The following ATP11B variants were observed in gnomAD, a reference collection of about 807,000 sequenced individuals.
ATP11B encodes the protein phospholipid-transporting ATPase IF.
In ATP11B, 81 loss-of-function variants were observed where a neutral mutation model predicts 157.8. The observed-to-expected ratio is 0.51, with a 90% CI of 0.43 to 0.62. The LOEUF (loss-of-function observed/expected upper bound fraction) is 0.62, where lower values mean the gene tolerates loss of function less well. Ranked by LOEUF, ATP11B falls within the 20% of genes least tolerant of loss-of-function variation. The probability of loss-of-function intolerance (pLI) is 0.00; values close to 1 mark genes in which losing one functional copy is unlikely to be tolerated. For missense variants in ATP11B, 1,165 were observed against 1,402.2 expected, an observed-to-expected ratio of 0.83 and a Z score of 2.70; for synonymous variants, 451 against 469.4, an observed-to-expected ratio of 0.96 and a Z score of 0.51.
intron 19 of ATP11B, 25 bp downstream of exon 19, chr3:182,874,040 T>C (rs1484968383): frequency 6.2e-7 from 1 of 1,603,074 alleles, no homozygotes; most frequent in Non-Finnish European, 8.5e-7. Flanking sequence ...ACCTGTATCA[T>C]ACCTTTCAGG....
At position 182,865,549 on chromosome 3, in the gene ATP11B, A is replaced by G. The variant is rs1192122642; in HGVS notation, c.1294A>G (p.Ile432Val). 2 of 1,613,882 alleles carry G rather than the reference A, an allele frequency of 1.2e-6. No individual in the cohort carries two copies. The highest frequency in any genetic ancestry group is 1.7e-6 in the Non-Finnish European group (2 of 1,179,858). ...CSINGMKYQE[I>V]NGRLVPEGPT... is the part of the protein sequence containing the mutation. The stretch of plus-strand genomic sequence containing the variant: ...AATTAATGGCATGAAATACCAAGAA[A>G]TTAATGGTAGACTTGTACCCGAAGG... The change falls in exon 13 of 30, where the codon ATT becomes GTT. Residue 432 changes from isoleucine (I) to valine (V), a missense_variant. Transcript: ENST00000323116.
chr3:182,892,321 G>A (rs751788936), intron 25 of ATP11B, among the ~76,000 whole-genome samples: 2 of 152,104 alleles, frequency 1.3e-5, no homozygotes, highest in African/African-American at 4.8e-5. Flanking sequence ...TCTAGGCCGC[G>A]TCTCATTGCT....
In ATP11B at chr3:182,820,730, A is replaced by ATGTG. The variant is rs900538750; in HGVS notation, c.144+364_144+367dup. 5.3e-5 allele frequency among the ~76,000 whole-genome samples: 8 copies of ATGTG among 152,174 alleles called. No individual in the cohort carries two copies. In the East Asian group the frequency reaches 9.7e-4, roughly 18 times the overall value. ...TCATTTTATTTTTAAAAGTGATTATATGTGTGTGTGTGTATTTATTTATAT... is the reference window on the plus strand; with the variant it reads ...TCATTTTATTTTTAAAAGTGATTATATGTGTGTGTGTGTGTGTATTTATTTATAT... On this transcript the variant is annotated intron_variant, in intron 2 of 29. Transcript: ENST00000323116.
rs755646766 is a variant in ATP11B at position 182,848,479 on chromosome 3, T to C, written c.773T>C (p.Val258Ala). ...ACAATTTTGTTTTATTTTACAGGTG[T>C]TGCGGTATACACTGGAATGGAAACT... is the stretch of plus-strand genomic sequence containing the variant. ...RLKNTKEIFG[V>A]AVYTGMETKM... is the part of the protein sequence containing the mutation. Residue 258 changes from valine (V) to alanine (A), a missense_variant, in exon 10 of 30, where the codon GTT (valine) becomes GCT (alanine). Transcript: ENST00000323116. 2.6e-6 allele frequency: 4 copies of C among 1,525,772 alleles called. No homozygotes were observed. The highest frequency in any genetic ancestry group is 1.4e-5 in the African/African-American group (1 of 71,938). The allele number at this position is 1,525,772 out of a possible 1,614,324, so 94.5% of individuals were successfully genotyped here. A position where few individuals can be genotyped will look rare whatever the true frequency, so the allele number is the denominator to read the frequency against.
chr3:182,916,395 A>G (rs1577127919), intron 29 of ATP11B: 1 of 985,354 alleles, frequency 1.0e-6, no homozygotes, highest in East Asian at 1.1e-4. Context: ...TTTATGTGAC[A>G]GATTTCTTTG....
intron 19 of ATP11B, among the ~76,000 whole-genome samples, chr3:182,875,288 A>G (rs938304150): frequency 6.6e-6 from 1 of 152,184 alleles, no homozygotes; most frequent in African/African-American, 2.4e-5. Context: ...CAAATACCAT[A>G]GTTGTTAATA....
intron 3 of ATP11B, 22 bp downstream of exon 3, chr3:182,828,231 TAA>T (rs1717856928): frequency 9.4e-7 from 1 of 1,061,652 alleles, no homozygotes; most frequent in Admixed American, 2.5e-5. Flanking sequence ...TACTCAATCT[TAA>T]GTTTGTAAAC....
chr3:182,911,158 C>G (rs554776355), intron 28 of ATP11B, among the ~76,000 whole-genome samples: 29 of 151,648 alleles, frequency 1.9e-4, no homozygotes, highest in African/African-American at 5.8e-4. Context: ...CACTCCCTTA[C>G]ACTTAGGCTA....
Position 182,865,644 on chromosome 3 carries a change from C to T in ATP11B, c.1389C>T (p.Ser463=), listed in dbSNP as rs776951160. The T allele has an allele frequency of 9.9e-6, 16 of 1,613,450 alleles. No homozygotes were observed. The highest frequency in any genetic ancestry group is 3.3e-5 in the Admixed American group (2 of 60,008). Residue 463 remains serine, a synonymous_variant, in exon 13 of 30, where the codon TCC becomes TCT. Coordinates refer to ENST00000323116, the MANE Select transcript of ATP11B (RefSeq NM_014616.3). ...GTTTATCCCATCTTAACAACTTATC[C>T]CATCTTACAACCAGTTCCTCTTTCA... The part of the protein sequence containing the change: ...LSSLSHLNNL[S]HLTTSSSFRT...
chr3:182,852,695 C>G (rs1323665578), intron 10 of ATP11B, among the ~76,000 whole-genome samples: 2 of 152,188 alleles, frequency 1.3e-5, no homozygotes, highest in East Asian at 3.8e-4. Flanking sequence ...CCGTCTCCCG[C>G]ATATACAAAA....
At chr3:182,832,240 C>A (rs1291901051) in intron 4 of ATP11B, among the ~76,000 whole-genome samples, 3 of 151,992 alleles carry the variant, frequency 2.0e-5, no homozygotes, top group African/African-American at 7.2e-5. Context: ...ATGCCTAGAA[C>A]CTGTGTTAGT....
At chr3:182,815,421 C>G (rs1245506521) in intron 1 of ATP11B, among the ~76,000 whole-genome samples, 10 of 152,038 alleles carry the variant, frequency 6.6e-5, no homozygotes, top group Non-Finnish European at 1.5e-4. Flanking sequence ...AATAGTAATT[C>G]ACAATTAACT....
At chr3:182,903,245 A>G (rs990110285) in intron 28 of ATP11B, among the ~76,000 whole-genome samples, 6 of 152,186 alleles carry the variant, frequency 3.9e-5, no homozygotes, top group Admixed American at 1.3e-4. Flanking sequence ...GAAAAGTAAT[A>G]TAAGTTATTA....
intron 4 of ATP11B, among the ~76,000 whole-genome samples, chr3:182,831,752 A>G (rs1718166316): frequency 6.6e-6 from 1 of 152,072 alleles, no homozygotes; most frequent in South Asian, 2.1e-4. Context: ...TTTGACCACC[A>G]TGCCACTCTT....
At position 182,874,020 on chromosome 3, in the gene ATP11B, GA is replaced by G; in HGVS notation, c.2252+7del. 6.2e-7 allele frequency: 1 copy of G among 1,612,450 alleles called. No homozygotes were observed. The highest frequency in any genetic ancestry group is 1.1e-5 in the South Asian group (1 of 90,902). On this transcript the variant is annotated splice_donor_region_variant and intron_variant, in intron 19 of 29. Coordinates refer to ENST00000323116, the MANE Select transcript of ATP11B (RefSeq NM_014616.3). ...ATTGAGGCAGCTTGCCAGAAGGTAA[GA>G]ATATAGGAACCTGTATCATACCTTT... is the stretch of plus-strand genomic sequence containing the variant.
At chr3:182,917,970 C>A in intron 29 of ATP11B, 53 bp from the exon 30 acceptor site, 1 of 1,592,922 alleles carries the variant, frequency 6.3e-7, no homozygotes, top group Non-Finnish European at 8.5e-7. Context: ...ATTTTTTTCT[C>A]AATTAAAACA....
At chr3:182,817,665 T>C (rs542365199) in intron 1 of ATP11B, among the ~76,000 whole-genome samples, 6 of 152,244 alleles carry the variant, frequency 3.9e-5, no homozygotes, top group Non-Finnish European at 8.8e-5. Context: ...TTGGTTCTTA[T>C]CATCCAGTAG....
intron 29 of ATP11B, chr3:182,917,153 G>A (rs1018061952): frequency 3.0e-6 from 3 of 985,128 alleles, no homozygotes; most frequent in African/African-American, 1.7e-5. Context: ...CTTTTTTAAC[G>A]CTCATCTCTT....
chr3:182,904,140 G>A (rs928017616), intron 28 of ATP11B, among the ~76,000 whole-genome samples: 16 of 152,208 alleles, frequency 1.1e-4, no homozygotes, highest in Non-Finnish European at 2.9e-5. Flanking sequence ...TGAGAGAGCG[G>A]CAGACCTGAA....
Sources: gnomAD v4.1 joint callset for allele counts (sites outside exome capture counted in the v4.1 genomes callset) on GRCh38, gnomAD v4.1.1 for gene constraint, MANE v1.5 for transcripts, NCBI Gene and HGNC (gene_info 2026-07-23, HGNC 2026-07-21) for gene names.